PHIP: variants seen among roughly 807,000 people sequenced by gnomAD.
The protein encoded by PHIP is PHIP subunit of CUL4-Ring ligase complex.
In PHIP, 54 loss-of-function variants were observed where a neutral mutation model predicts 236.8. The ratio of observed to expected loss-of-function variants is 0.23; its 90% confidence interval spans 0.18 to 0.29. The LOEUF (loss-of-function observed/expected upper bound fraction) is 0.29, where lower values mean the gene tolerates loss of function less well. PHIP is among the 10% of genes least tolerant of loss of function. The pLI is 1.00. For missense variants in PHIP, 1,370 were observed against 2,190.8 expected, an observed-to-expected ratio of 0.63 and a Z score of 7.48; for synonymous variants, 756 against 718.9, an observed-to-expected ratio of 1.05 and a Z score of -0.83.
chr6:78,961,286 G>A (rs934004332), intron 31 of PHIP, among the ~76,000 whole-genome samples: 6 of 151,442 alleles, frequency 4.0e-5, no homozygotes, highest in African/African-American at 9.7e-5. Flanking sequence ...TACATAATAC[G>A]AATACAAAAT....
intron 4 of PHIP, among the ~76,000 whole-genome samples, chr6:79,073,646 A>G (rs1311598990): frequency 6.6e-6 from 1 of 152,100 alleles, no homozygotes; most frequent in Non-Finnish European, 1.5e-5. Flanking sequence ...AAATAAATGT[A>G]TACCTAAGAT....
chr6:78,977,744 T>C (rs1582154328), intron 24 of PHIP, among the ~76,000 whole-genome samples: 1 of 152,210 alleles, frequency 6.6e-6, no homozygotes, highest in Non-Finnish European at 1.5e-5. Flanking sequence ...CACTGTACTA[T>C]ATCACAACAA....
chr6:79,034,121 C>T (rs1248628532), intron 7 of PHIP, among the ~76,000 whole-genome samples: 1 of 151,980 alleles, frequency 6.6e-6, no homozygotes, highest in Non-Finnish European at 1.5e-5. Flanking sequence ...TGAGAAGTAT[C>T]GAAATGTGAA....
At chr6:79,005,155 T>C (rs1235585709) in intron 15 of PHIP, among the ~76,000 whole-genome samples, 1 of 152,018 alleles carries the variant, frequency 6.6e-6, no homozygotes, top group Non-Finnish European at 1.5e-5. Context: ...AATTATCTAA[T>C]GTTTAATATA....
At chr6:79,055,294 A>G (rs1773013669) in intron 6 of PHIP, among the ~76,000 whole-genome samples, 1 of 152,202 alleles carries the variant, frequency 6.6e-6, no homozygotes, top group African/African-American at 2.4e-5. Flanking sequence ...CAAGATAAAC[A>G]TGCATTAAAC....
intron 35 of PHIP, among the ~76,000 whole-genome samples, chr6:78,949,199 A>G (rs551280496): frequency 6.6e-6 from 1 of 152,248 alleles, no homozygotes; most frequent in South Asian, 2.1e-4. Flanking sequence ...TTTATAATGA[A>G]TTAATGTCTC....
At chr6:78,988,566 C>A (rs1034892718) in intron 20 of PHIP, among the ~76,000 whole-genome samples, 1 of 152,086 alleles carries the variant, frequency 6.6e-6, no homozygotes, top group Non-Finnish European at 1.5e-5. Context: ...CAAAGTGAGA[C>A]AATTTATCCT....
intron 10 of PHIP, 148 bp from the exon 11 acceptor site, chr6:79,017,731 C>A: frequency 1.8e-6 from 1 of 567,114 alleles, no homozygotes; most frequent in Non-Finnish European, 3.2e-6. Flanking sequence ...ATATATAACA[C>A]ATCTAACTGG....
chr6:79,066,686 C>T (rs1562222225), intron 4 of PHIP, among the ~76,000 whole-genome samples: 3 of 152,002 alleles, frequency 2.0e-5, no homozygotes, highest in African/African-American at 7.3e-5. Context: ...AAAGGGAACA[C>T]TTTAAAAAAT....
intron 24 of PHIP, among the ~76,000 whole-genome samples, chr6:78,972,782 T>A: frequency 6.6e-6 from 1 of 151,678 alleles, no homozygotes; most frequent in East Asian, 1.9e-4. Context: ...GTATCAGCAA[T>A]GGAAGATGAA....
At position 78,988,339 on chromosome 6, in the gene PHIP, T is replaced by G. The variant is rs1224708685; in HGVS notation, c.2330A>C (p.His777Pro). The G allele has an allele frequency of 6.3e-7, 1 of 1,589,490 alleles. No individual in the cohort carries two copies. The highest frequency in any genetic ancestry group is 2.3e-5 in the East Asian group (1 of 44,342). The stretch of plus-strand genomic sequence containing the variant: ...TTCTCCAAGATCCAGGAAATGCTCA[T>G]GAGCATGATTCTAGAAAAAAATAAA... Reference protein sequence around the residue: ...KIPTVSKNHAHEHFLDLGESK... With the variant: ...KIPTVSKNHAPEHFLDLGESK... Residue 777 changes from histidine to proline, a missense_variant, in exon 21 of 40, where the codon CAT becomes CCT. By Grantham distance (77) the His-to-Pro change is moderately conservative. Around this residue, in one of 14 missense-constraint regions of PHIP, gnomAD observed 99 missense variants for 110.0 expected, o/e 0.90. Coordinates refer to ENST00000275034, the MANE Select transcript of PHIP (RefSeq NM_017934.7).
At chr6:78,953,327 T>C (rs1766182598) in intron 35 of PHIP, among the ~76,000 whole-genome samples, 1 of 152,210 alleles carries the variant, frequency 6.6e-6, no homozygotes, top group African/African-American at 2.4e-5. Context: ...GACTCAATTA[T>C]CTCTGTATAG....
At chr6:79,055,347 G>C (rs531319233) in intron 6 of PHIP, among the ~76,000 whole-genome samples, 3 of 152,060 alleles carry the variant, frequency 2.0e-5, no homozygotes, top group Non-Finnish European at 4.4e-5. Context: ...AATGTATTTA[G>C]GTCTCTTCTT....
Position 78,988,301 on chromosome 6 carries a change from G to C in PHIP, c.2368C>G (p.Gln790Glu). 6.2e-7 allele frequency: 1 copy of C among 1,606,344 alleles called. No homozygotes were observed. The highest frequency in any genetic ancestry group is 8.5e-7 in the Non-Finnish European group (1 of 1,174,532). The change falls in exon 21 of 40, where the codon CAG (glutamine) becomes GAG (glutamate). Residue 790 changes from glutamine (Q) to glutamate (E), a missense_variant. Physicochemically the swap from Gln to Glu is conservative, Grantham distance 29. This residue lies in a region of PHIP where 99 missense variants were observed against 110.0 expected (regional missense o/e 0.90). Coordinates refer to ENST00000275034, the MANE Select transcript of PHIP (RefSeq NM_017934.7). ...FLDLGESKKQQTNQHNYRTRS... is the reference protein window; with the variant it reads ...FLDLGESKKQETNQHNYRTRS... ...GTACGATAATTGTGTTGATTTGTCTGTTGCTTTTTGGATTCTCCAAGATCC... is the reference window on the plus strand; with the variant it reads ...GTACGATAATTGTGTTGATTTGTCTCTTGCTTTTTGGATTCTCCAAGATCC...
chr6:79,038,301 A>T (rs1026550736), intron 7 of PHIP, among the ~76,000 whole-genome samples: 4 of 152,246 alleles, frequency 2.6e-5, no homozygotes, highest in Admixed American at 6.5e-5. Context: ...TGTGTCAAAG[A>T]TAGTGCCTTC....
intron 15 of PHIP, among the ~76,000 whole-genome samples, chr6:79,004,821 T>C (rs574183907): frequency 6.6e-6 from 1 of 152,058 alleles, no homozygotes; most frequent in Non-Finnish European, 1.5e-5. Flanking sequence ...TTCTTTAGTA[T>C]TAAAAATGTG....
At chr6:79,018,340 T>C (rs1475023415) in intron 10 of PHIP, among the ~76,000 whole-genome samples, 1 of 151,862 alleles carries the variant, frequency 6.6e-6, no homozygotes, top group Non-Finnish European at 1.5e-5. Context: ...AATGAACATG[T>C]TTGGATATTA....
chr6:79,009,339 A>T (rs1770455919), intron 15 of PHIP, among the ~76,000 whole-genome samples: 1 of 152,046 alleles, frequency 6.6e-6, no homozygotes, highest in Admixed American at 6.5e-5. Context: ...TTGTTTATAA[A>T]ATTCATTCTC....
rs1422960691 is a variant in PHIP at position 78,998,305 on chromosome 6, G to A, written c.1966C>T (p.Leu656=). The part of the protein sequence containing the change: ...MIQRLQQEQD[L]RRSGEAVISN... Reference sequence around the variant, plus strand: ...ATAACTGCTTCACCAGAACGTCTCAGGTCTTGCTCCTGTTGTAGTCTTTGA... The same window carrying A: ...ATAACTGCTTCACCAGAACGTCTCAAGTCTTGCTCCTGTTGTAGTCTTTGA... Residue 656 remains leucine (L), a synonymous_variant, in exon 18 of 40, where the codon CTG becomes TTG. Transcript: ENST00000275034. 6.2e-7 allele frequency: 1 copy of A among 1,612,400 alleles called. No individual in the cohort carries two copies. Among genetic ancestry groups the A allele is most frequent in the South Asian group, 1.1e-5 (1 of 91,048 alleles).
Sources: gnomAD v4.1 joint callset for allele counts (sites outside exome capture counted in the v4.1 genomes callset) on GRCh38, gnomAD v4.1.1 for gene constraint, gnomAD v4.1.1 regional missense constraint, MANE v1.5 for transcripts, NCBI Gene and HGNC (gene_info 2026-07-23, HGNC 2026-07-21) for gene names.